Variants in STAG3 observed in about 807,000 individuals in gnomAD.
The protein encoded by STAG3 is STAG3 cohesin complex component.
In STAG3, 101 loss-of-function variants were observed where a neutral mutation model predicts 160.7. The ratio of observed to expected loss-of-function variants is 0.63; its 90% confidence interval spans 0.54 to 0.74. STAG3 has a LOEUF of 0.74. STAG3 is among the 30% of genes least tolerant of loss of function. STAG3 has a pLI of 0.00. For missense variants in STAG3, 1,188 were observed against 1,517.4 expected (o/e 0.78, Z 3.61); for synonymous variants, 519 against 585.0 (o/e 0.89, Z 1.63).
downstream of STAG3, among the ~76,000 whole-genome samples, chr7:100,216,973 G>C (rs576062420): frequency 1.3e-5 from 2 of 152,058 alleles, no homozygotes; most frequent in East Asian, 3.9e-4. Context: ...ACAGACAACA[G>C]TGCTCTCATG....
chr7:100,181,566 CGG>C (rs961447545), intron 2 of STAG3: 2 of 152,332 alleles, frequency 1.3e-5, no homozygotes, highest in African/African-American at 4.8e-5. Context: ...TTCTCTTCTT[CGG>C]AGAGAATACT....
intron 25 of STAG3, among the ~76,000 whole-genome samples, chr7:100,203,182 TTTC>T (rs1158774198): frequency 7.8e-6 from 1 of 128,518 alleles, no homozygotes; most frequent in Non-Finnish European, 1.7e-5. Context: ...TTTCTTTTCT[TTTC>T]TTTTTTTTTT....
At position 100,213,746 on chromosome 7, in the gene STAG3, C is replaced by T; in HGVS notation, c.3612C>T (p.Ser1204=). 6.2e-7 allele frequency: 1 copy of T among 1,614,244 alleles called. No homozygotes were observed. Among genetic ancestry groups the T allele is most frequent in the Non-Finnish European group, 8.5e-7 (1 of 1,180,038 alleles). ...CTCATTCTCTCTAGCAAGCAAGTAG[C>T]TACTCTTCCACCAGTGAGCGCGGGC... ...ERQDTDMQAS[S]YSSTSERGLD... The change falls in exon 33 of 34, where the codon AGC becomes AGT. Residue 1204 remains serine, a synonymous_variant. Transcript: ENST00000615138.
At chr7:100,182,387 A>G (rs1018192173) in intron 3 of STAG3, among the ~76,000 whole-genome samples, 195 bp downstream of exon 3, 11 of 152,112 alleles carry the variant, frequency 7.2e-5, no homozygotes, top group African/African-American at 2.7e-4. Context: ...GAAAACCTAA[A>G]AGAGGTTCAG....
chr7:100,204,750 C>G lies in STAG3; in HGVS notation c.2926C>G (p.Arg976Gly), dbSNP rs751623475. 5.0e-6 allele frequency: 8 copies of G among 1,613,780 alleles called. No homozygotes were observed. The highest frequency in any genetic ancestry group is 1.1e-5 in the South Asian group (1 of 91,060). Residue 976 changes from arginine (R) to glycine (G), a missense_variant, in exon 27 of 34, where the codon CGT becomes GGT. Coordinates refer to ENST00000615138, the MANE Select transcript of STAG3 (RefSeq NM_001282717.2). Reference protein sequence around the residue: ...LSFGPQQLQNRDLVVMLHKEG... With the variant: ...LSFGPQQLQNGDLVVMLHKEG... ...TTTTGGACCCCAGCAGCTGCAGAACCGTGACCTCGTGGTCATGCTACACAA... is the reference window on the plus strand; with the variant it reads ...TTTTGGACCCCAGCAGCTGCAGAACGGTGACCTCGTGGTCATGCTACACAA...
chr7:100,196,066 T>C (rs1800664804), intron 9 of STAG3, among the ~76,000 whole-genome samples: 1 of 151,516 alleles, frequency 6.6e-6, no homozygotes, highest in Non-Finnish European at 1.5e-5. Context: ...GAGGTGGAGG[T>C]TGCGGTGAGC....
chr7:100,199,063 G>A lies in STAG3; in HGVS notation c.1467+106G>A, dbSNP rs899894275. On this transcript the variant is annotated intron_variant, in intron 14 of 33. Coordinates refer to ENST00000615138, the MANE Select transcript of STAG3 (RefSeq NM_001282717.2). ...CCAGCACTTTGGGAGGCTGAGGTGG[G>A]AGGATCCTTTGAGCCCAGGAGTTTG... is the stretch of plus-strand genomic sequence containing the variant. 6.8e-5 allele frequency: 75 copies of A among 1,107,504 alleles called. 1 individual carries two copies. The Admixed American group carries it at 1.4e-3, about 21-fold the overall frequency. The allele number at this position is 1,107,504 out of a possible 1,614,324, so 68.6% of individuals were successfully genotyped here. A position where few individuals can be genotyped will look rare whatever the true frequency, so the allele number is the denominator to read the frequency against.
chr7:100,180,828 G>T, intron 2 of STAG3, 156 bp downstream of exon 2: 7 of 497,960 alleles, frequency 1.4e-5, no homozygotes, highest in African/African-American at 2.0e-5. Flanking sequence ...AGCTCCAGGT[G>T]TTTTTTTTGG....
At position 100,180,549 on chromosome 7, in the gene STAG3, C is replaced by G; in HGVS notation, c.-8C>G. On this transcript the variant is annotated 5_prime_UTR_variant, in exon 2 of 34. Coordinates refer to ENST00000615138, the MANE Select transcript of STAG3 (RefSeq NM_001282717.2). ...TCTTCCTGGCCTCATAGCTCCTCCT[C>G]TCCAAGCATGTCTTCCCCGTTGCAA... is the stretch of plus-strand genomic sequence containing the variant. The G allele has an allele frequency of 1.3e-6, 2 of 1,572,116 alleles. No homozygotes were observed. The highest frequency in any genetic ancestry group is 1.8e-6 in the Non-Finnish European group (2 of 1,141,272).
Position 100,200,900 on chromosome 7 carries a change from C to G in STAG3, c.1992C>G (p.Asp664Glu). 1 of 1,614,254 alleles carries G rather than the reference C, an allele frequency of 6.2e-7. No homozygotes were observed. Among genetic ancestry groups the G allele is most frequent in the Middle Eastern group, 1.6e-4 (1 of 6,062 alleles). ...NPEFTFFSRADFARSQLVDLL... is the reference protein window; with the variant it reads ...NPEFTFFSRAEFARSQLVDLL... ...AATTCACTTTCTTCAGCCGGGCGGA[C>G]TTTGCCCGCAGCCAGCTAGTAGATT... The change falls in exon 19 of 34, where the codon GAC becomes GAG. Residue 664 changes from aspartate (D) to glutamate (E), a missense_variant. By Grantham distance (45) the Asp-to-Glu change is conservative. Transcript: ENST00000615138.
rs1799887339 is a variant in STAG3 at position 100,184,738 on chromosome 7, T to C, written c.337-1462T>C. Among the ~76,000 whole-genome samples, 5 of 152,288 alleles carry C rather than the reference T, an allele frequency of 3.3e-5. No individual in the cohort carries two copies. The South Asian group carries it at 1.0e-3, about 32-fold the overall frequency. On this transcript the variant is annotated intron_variant, in intron 4 of 33. Transcript: ENST00000615138. ...GCCTCGGCCTTCCAAAGTGCTGGGATTACAGGTGTGAGCCACCATGCCTGG... is the reference window on the plus strand; with the variant it reads ...GCCTCGGCCTTCCAAAGTGCTGGGACTACAGGTGTGAGCCACCATGCCTGG...
At position 100,188,817 on chromosome 7, in the gene STAG3, G is replaced by C. The variant is rs751470137; in HGVS notation, c.516G>C (p.Ser172=). ...QHLTEQFNED[S]GDYPLIAPGP... ...TTTCATACATCCTTTTGTAGGACTCGGGGGACTACCCTCTCATAGCTCCAG... is the reference window on the plus strand; with the variant it reads ...TTTCATACATCCTTTTGTAGGACTCCGGGGACTACCCTCTCATAGCTCCAG... Residue 172 remains serine, a synonymous_variant, in exon 7 of 34, where the codon TCG becomes TCC. Coordinates refer to ENST00000615138, the MANE Select transcript of STAG3 (RefSeq NM_001282717.2). 1 of 1,613,886 alleles carries C rather than the reference G, an allele frequency of 6.2e-7. No homozygotes were observed. Among genetic ancestry groups the C allele is most frequent in the Non-Finnish European group, 8.5e-7 (1 of 1,179,998 alleles).
chr7:100,197,792 C>T lies in STAG3; in HGVS notation c.1080C>T (p.Arg360=), dbSNP rs1333019597. ...WTLHDKHREV[R]LKCVKALKGL... ...CTCCTCACCAGCACCGAGAAGTCCG[C>T]CTGAAGTGTGTGAAGGCCCTGAAAG... Residue 360 remains arginine (R), a synonymous_variant, in exon 11 of 34, where the codon CGC becomes CGT. Transcript: ENST00000615138. 2 of 1,613,866 alleles carry T rather than the reference C, an allele frequency of 1.2e-6. No homozygotes were observed. Among genetic ancestry groups the T allele is most frequent in the Non-Finnish European group, 1.7e-6 (2 of 1,179,902 alleles).
In STAG3 at chr7:100,186,278, C is replaced by A; in HGVS notation, c.415C>A (p.Gln139Lys). Residue 139 changes from glutamine (Q) to lysine (K), a missense_variant, in exon 5 of 34, where the codon CAA becomes AAA. Coordinates refer to ENST00000615138, the MANE Select transcript of STAG3 (RefSeq NM_001282717.2). The part of the protein sequence containing the change: ...GFLELVNFFI[Q>K]SCGCKGIVTP... ...TCTGGAGCTTGTTAACTTTTTCATC[C>A]AATCTTGCGGATGTAAAGGTGAGGA... 1 of 1,614,100 alleles carries A rather than the reference C, an allele frequency of 6.2e-7. No individual in the cohort carries two copies. Among genetic ancestry groups the A allele is most frequent in the Non-Finnish European group, 8.5e-7 (1 of 1,179,976 alleles).
At chr7:100,206,195 T>G (rs1239571812) in intron 29 of STAG3, among the ~76,000 whole-genome samples, 2 of 151,860 alleles carry the variant, frequency 1.3e-5, no homozygotes, top group African/African-American at 2.4e-5. Context: ...TTTTTGAATT[T>G]TTGGTAGAGA....
chr7:100,217,229 C>T (rs1402603295), downstream of STAG3, among the ~76,000 whole-genome samples: 1 of 152,148 alleles, frequency 6.6e-6, no homozygotes, highest in Non-Finnish European at 1.5e-5. Flanking sequence ...CTTTTTTGTG[C>T]ACGCCCTCAC....
In STAG3 at chr7:100,204,772, A is replaced by G. The variant is rs745315893; in HGVS notation, c.2948A>G (p.His983Arg). ...LQNRDLVVMLHKEGIQFSLSE... is the reference protein window; with the variant it reads ...LQNRDLVVMLRKEGIQFSLSE... ...AACCGTGACCTCGTGGTCATGCTAC[A>G]CAAGTAGGAAGTATTGGTTGCAGGT... Residue 983 changes from histidine to arginine, a missense_variant, in exon 27 of 34, where the codon CAC (histidine) becomes CGC (arginine). By Grantham distance (29) the His-to-Arg change is conservative (BLOSUM62 0). Around this residue, in one of 4 missense-constraint regions of STAG3, gnomAD observed 647 missense variants for 717.2 expected, o/e 0.90. Transcript: ENST00000615138. 1.2e-6 allele frequency: 2 copies of G among 1,613,092 alleles called. No individual in the cohort carries two copies. Among genetic ancestry groups the G allele is most frequent in the Non-Finnish European group, 1.7e-6 (2 of 1,179,776 alleles).
At chr7:100,216,934 G>C (rs1200538300), downstream of STAG3, among the ~76,000 whole-genome samples, 1 of 152,048 alleles carries the variant, frequency 6.6e-6, no homozygotes, top group Non-Finnish European at 1.5e-5. Context: ...TAGAAGACTT[G>C]TGAACAGGTC....
chr7:100,200,975 A>T lies in STAG3; in HGVS notation c.2061+6A>T. Reference sequence around the variant, plus strand: ...AGCTTGAAGAGCTGTTACAGGTAGGAGCTGGGGCTGGACAATGGGACACCC... The same window carrying T: ...AGCTTGAAGAGCTGTTACAGGTAGGTGCTGGGGCTGGACAATGGGACACCC... On this transcript the variant is annotated splice_donor_region_variant and intron_variant, in intron 19 of 33. Coordinates refer to ENST00000615138, the MANE Select transcript of STAG3 (RefSeq NM_001282717.2). 7 of 1,614,102 alleles carry T rather than the reference A, an allele frequency of 4.3e-6. No homozygotes were observed. Among genetic ancestry groups the T allele is most frequent in the Non-Finnish European group, 5.9e-6 (7 of 1,179,994 alleles).
Sources: gnomAD v4.1 joint callset for allele counts (sites outside exome capture counted in the v4.1 genomes callset) on GRCh38, gnomAD v4.1.1 for gene constraint, gnomAD v4.1.1 regional missense constraint, MANE v1.5 for transcripts, NCBI Gene and HGNC (gene_info 2026-07-23, HGNC 2026-07-21) for gene names.